Variants in DCAF6 observed in about 807,000 individuals in gnomAD.
The protein encoded by DCAF6 is DDB1 and CUL4 associated factor 6.
A neutral mutation model predicts 125.1 loss-of-function variants in DCAF6; 54 were observed. The ratio of observed to expected loss-of-function variants is 0.43; its 90% CI spans 0.35 to 0.54. The LOEUF (loss-of-function observed/expected upper bound fraction) is 0.54, where lower values mean the gene tolerates loss of function less well. Ranked by LOEUF, DCAF6 falls within the 20% of genes least tolerant of loss-of-function variation. The pLI, the probability that DCAF6 is intolerant of heterozygous loss-of-function variation, is 0.01. For synonymous variants in DCAF6, 371 were observed against 390.4 expected (o/e 0.95, Z 0.58); for missense variants, 934 against 1,161.7 (o/e 0.80, Z 2.85).
At chr1:167,996,544 A>G (rs1177071325) in intron 7 of DCAF6, among the ~76,000 whole-genome samples, 1 of 152,196 alleles carries the variant, frequency 6.6e-6, no homozygotes, top group Non-Finnish European at 1.5e-5. Flanking sequence ...CTACAGCCCT[A>G]TAGCTATACA....
chr1:168,065,885 C>T, intron 19 of DCAF6, 139 bp downstream of exon 19: 1 of 725,736 alleles, frequency 1.4e-6, no homozygotes, highest in South Asian at 3.1e-5. Flanking sequence ...TCAATTACAG[C>T]TGAACTTGCA....
At chr1:167,994,004 GTAAT>G (rs2103023259) in intron 7 of DCAF6, among the ~76,000 whole-genome samples, 1 of 151,898 alleles carries the variant, frequency 6.6e-6, no homozygotes, top group Middle Eastern at 3.4e-3. Flanking sequence ...ATTATAGTTA[GTAAT>G]TAGTTACTAA....
upstream of DCAF6, among the ~76,000 whole-genome samples, chr1:167,934,970 A>G (rs1405386232): frequency 6.6e-6 from 1 of 152,242 alleles, no homozygotes; most frequent in Non-Finnish European, 1.5e-5. Flanking sequence ...GTTTTCCAGT[A>G]GGCAAAGAGA....
At chr1:167,950,865 C>G (rs1481397867) in intron 1 of DCAF6, among the ~76,000 whole-genome samples, 3 of 152,170 alleles carry the variant, frequency 2.0e-5, no homozygotes, top group African/African-American at 7.2e-5. Flanking sequence ...AGTATTTAAA[C>G]TGTTCTGCTA....
chr1:168,002,947 A>G (rs1413829547), intron 8 of DCAF6, among the ~76,000 whole-genome samples: 1 of 152,210 alleles, frequency 6.6e-6, no homozygotes, highest in African/African-American at 2.4e-5. Flanking sequence ...ATATTAGCAC[A>G]TAAAATGTTT....
chr1:167,941,767 T>C (rs1489808445), intron 1 of DCAF6, among the ~76,000 whole-genome samples: 1 of 152,204 alleles, frequency 6.6e-6, no homozygotes, highest in Non-Finnish European at 1.5e-5. Context: ...TGCTGATGGC[T>C]CCACAGGGAA....
intron 10 of DCAF6, among the ~76,000 whole-genome samples, chr1:168,011,041 T>A (rs2103133655): frequency 6.6e-6 from 1 of 152,172 alleles, no homozygotes; most frequent in Middle Eastern, 3.4e-3. Context: ...AGGGCTCATA[T>A]TGAGAAGTGA....
chr1:167,987,920 AT>A (rs1309230240), intron 5 of DCAF6, among the ~76,000 whole-genome samples: 2 of 152,072 alleles, frequency 1.3e-5, no homozygotes, highest in Non-Finnish European at 2.9e-5. Flanking sequence ...AACCTGAAGA[AT>A]TTATATAAAT....
At chr1:167,954,493 C>T (rs1674455817) in intron 2 of DCAF6, among the ~76,000 whole-genome samples, 1 of 151,112 alleles carries the variant, frequency 6.6e-6, no homozygotes, top group Admixed American at 6.6e-5. Context: ...CGCTGTGCCA[C>T]CCAGGCTGGA....
the DCAF6 span, chr1:167,875,214 C>T: frequency 6.2e-6 from 10 of 1,610,842 alleles, no homozygotes; most frequent in Non-Finnish European, 7.6e-6. Flanking sequence ...AGAACAGATG[C>T]TAGATTCAAA....
At chr1:167,869,059 GC>G in the DCAF6 span, among the ~76,000 whole-genome samples, 2 of 152,160 alleles carry the variant, frequency 1.3e-5, no homozygotes, top group African/African-American at 4.8e-5. Flanking sequence ...ATAATCAAAG[GC>G]AAGTAGTTAA....
At chr1:167,966,195 T>C (rs1676392135) in intron 2 of DCAF6, among the ~76,000 whole-genome samples, 1 of 152,216 alleles carries the variant, frequency 6.6e-6, no homozygotes, top group Admixed American at 6.5e-5. Flanking sequence ...TTTTATTTGT[T>C]GTTAGTATGG....
At chr1:167,922,489 T>C in the DCAF6 span, among the ~76,000 whole-genome samples, 1 of 152,078 alleles carries the variant, frequency 6.6e-6, no homozygotes, top group Non-Finnish European at 1.5e-5. Flanking sequence ...TATAAAGATA[T>C]ATTATTACTA....
the DCAF6 span, among the ~76,000 whole-genome samples, chr1:167,925,546 G>GTTTTTTTT: frequency 9.8e-6 from 1 of 101,846 alleles, no homozygotes; most frequent in African/African-American, 3.6e-5. Flanking sequence ...TTTTTTTTTG[G>GTTTTTTTT]TTTTTTTTGT....
the DCAF6 span, among the ~76,000 whole-genome samples, chr1:167,925,470 T>TAG: frequency 6.5e-5 from 7 of 107,774 alleles, no homozygotes; most frequent in African/African-American, 2.9e-4. Flanking sequence ...TATATATATA[T>TAG]ATATACATAT....
the DCAF6 span, chr1:167,919,902 C>T: frequency 5.1e-5 from 49 of 953,322 alleles, no homozygotes; most frequent in Admixed American, 1.9e-4. Flanking sequence ...AGCGAGACCC[C>T]GTCTCAAAAA....
At chr1:167,934,194 C>A (rs1230124334), upstream of DCAF6, among the ~76,000 whole-genome samples, 1 of 152,106 alleles carries the variant, frequency 6.6e-6, no homozygotes, top group African/African-American at 2.4e-5. Context: ...GCAGTAATTA[C>A]AGGTGGCTAA....
chr1:168,022,040 A>G (rs1685734553), intron 11 of DCAF6, among the ~76,000 whole-genome samples: 1 of 152,092 alleles, frequency 6.6e-6, no homozygotes, highest in South Asian at 2.1e-4. Flanking sequence ...TGGAACACCT[A>G]TTCCCCAGTG....
At chr1:168,027,316 TATAGA>T (rs1686466527) in intron 12 of DCAF6, among the ~76,000 whole-genome samples, 1 of 152,096 alleles carries the variant, frequency 6.6e-6, no homozygotes, top group African/African-American at 2.4e-5. Flanking sequence ...TGAGCATGTT[TATAGA>T]GTAAACAGAT....
Sources: allele counts gnomAD v4.1 joint callset (sites outside exome capture counted in the v4.1 genomes callset), GRCh38; gene constraint gnomAD v4.1.1; transcripts MANE v1.5; gene names NCBI Gene and HGNC (gene_info 2026-07-23, HGNC 2026-07-21).